The following POLRMT variants were observed in gnomAD, a reference collection of about 807,000 sequenced individuals.
POLRMT encodes the protein RNA polymerase mitochondrial, also known as DNA-directed RNA polymerase, mitochondrial.
In POLRMT, 114 loss-of-function variants were observed where a neutral mutation model predicts 132.2. That is an observed-to-expected ratio of 0.86 (90% CI 0.74 to 1.01). The LOEUF is 1.01. Ranked by LOEUF, POLRMT falls within the 50% of genes least tolerant of loss-of-function variation. The pLI is 0.00. For synonymous variants in POLRMT, 1,020 were observed against 773.4 expected, an observed-to-expected ratio of 1.32 and a Z score of -5.29; for missense variants, 2,003 against 1,729.1, an observed-to-expected ratio of 1.16 and a Z score of -2.81.
chr19:629,789 C>A lies in POLRMT; in HGVS notation c.573G>T (p.Leu191=), dbSNP rs1399111239. The A allele has an allele frequency of 6.4e-6, 10 of 1,572,440 alleles. No individual in the cohort carries two copies. In the African/African-American group the frequency reaches 1.4e-4, roughly 21 times the overall value. ...CAGGGGCCTCCTGCAGCAGCCGGGC[C>A]AGCTGCTCCTCCCAGGGGCTCTCGG... ...QAPESPWEEQ[L]ARLLQEAPGK... Residue 191 remains leucine (L), a synonymous_variant, in exon 3 of 21, where the codon CTG becomes CTT. Coordinates refer to ENST00000588649, the MANE Select transcript of POLRMT (RefSeq NM_005035.4).
At chr19:625,529 T>C (rs1984963714) in intron 3 of POLRMT, 1 of 405,778 alleles carries the variant, frequency 2.5e-6, no homozygotes, top group Non-Finnish European at 4.4e-6. Flanking sequence ...GTCAATTGTG[T>C]GGATCTTTTC....
intron 2 of POLRMT, among the ~76,000 whole-genome samples, chr19:632,415 T>C (rs1332257148): frequency 1.3e-5 from 2 of 151,774 alleles, no homozygotes; most frequent in African/African-American, 2.4e-5. Context: ...GGGCTGTCCC[T>C]CCCAAGTTTC....
chr19:633,386 G>A, intron 1 of POLRMT, 39 bp downstream of exon 1: 2 of 1,470,700 alleles, frequency 1.4e-6, no homozygotes, highest in Non-Finnish European at 1.8e-6. Flanking sequence ...AGCCCACGCC[G>A]TGGCCCCCGG....
Position 617,656 on chromosome 19 carries a change from C to T in POLRMT, c.3496-1G>A. 1 of 1,612,586 alleles carries T rather than the reference C, an allele frequency of 6.2e-7. No homozygotes were observed. Among genetic ancestry groups the T allele is most frequent in the South Asian group, 1.1e-5 (1 of 91,084 alleles). ...AGCGGACAAACTGCTCCCGGCACAC[C>T]TGGGCAGGAGTCAGAGGATCCCCAG... is the stretch of plus-strand genomic sequence containing the variant. On this transcript the variant is annotated splice_acceptor_variant, in intron 18 of 20. Coordinates refer to ENST00000588649, the MANE Select transcript of POLRMT (RefSeq NM_005035.4). LOFTEE classifies it high-confidence loss of function.
intron 2 of POLRMT, 93 bp from the exon 3 acceptor site, chr19:630,261 G>A (rs1985320970): frequency 1.4e-6 from 2 of 1,435,636 alleles, no homozygotes; most frequent in Non-Finnish European, 1.9e-6. Context: ...GGAGGTGCAG[G>A]TGGCTGAGCT....
At position 629,733 on chromosome 19, in the gene POLRMT, G is replaced by A. The variant is rs182390676; in HGVS notation, c.629C>T (p.Pro210Leu). 1,937 of 1,584,360 alleles carry A rather than the reference G, an allele frequency of 1.2e-3. 18 individuals carry two copies. In the African/African-American group the frequency reaches 0.023, roughly 18 times the overall value. ...GKLSLDVEQA[P>L]SGQHSQAQLS... ...CTGGGCCTGCGAGTGCTGCCCCGACGGGGCCTGCTCCACATCGAGGCTCAG... is the reference window on the plus strand; with the variant it reads ...CTGGGCCTGCGAGTGCTGCCCCGACAGGGCCTGCTCCACATCGAGGCTCAG... Residue 210 changes from proline (P) to leucine (L), a missense_variant, in exon 3 of 21, where the codon CCG (proline) becomes CTG (leucine). Transcript: ENST00000588649.
intron 1 of POLRMT, 121 bp downstream of exon 1, chr19:633,304 C>A: frequency 6.6e-6 from 8 of 1,217,726 alleles, no homozygotes; most frequent in Non-Finnish European, 7.5e-6. Flanking sequence ...GGGGCCGGGT[C>A]GGTGGGCTGC....
chr19:625,973 T>A (rs577516376), intron 3 of POLRMT, among the ~76,000 whole-genome samples: 114 of 151,958 alleles, frequency 7.5e-4, no homozygotes, highest in Admixed American at 1.1e-3. Flanking sequence ...AGTGCTGGGA[T>A]GACAGGTGTG....
chr19:618,819 T>C, intron 15 of POLRMT, 59 bp from the exon 16 acceptor site: 2 of 1,528,370 alleles, frequency 1.3e-6, no homozygotes, highest in Non-Finnish European at 8.9e-7. Flanking sequence ...GGTGGTACAT[T>C]GAGGTGGTGG....
chr19:620,307 C>A (rs1203860779), intron 11 of POLRMT, 58 bp downstream of exon 11: 4 of 1,489,982 alleles, frequency 2.7e-6, no homozygotes, highest in African/African-American at 2.8e-5. Flanking sequence ...ACCCTCAAGT[C>A]GAGCCCCAGG....
chr19:617,879 A>G (rs1984127174), intron 17 of POLRMT, 30 bp from the exon 18 acceptor site: 1 of 1,607,046 alleles, frequency 6.2e-7, no homozygotes, highest in African/African-American at 1.3e-5. Context: ...TCCTGAAGGG[A>G]GGGGAGCTCA....
chr19:617,966 T>G (rs557577694), intron 17 of POLRMT, 117 bp from the exon 18 acceptor site: 1 of 863,598 alleles, frequency 1.2e-6, no homozygotes, highest in Non-Finnish European at 1.9e-6. Context: ...CCCACCCTCC[T>G]GCAGGCCTCG....
rs1984336911 is a variant in POLRMT, at chr19:619,604, C to A, written c.3048G>T (p.Glu1016Asp). Residue 1016 changes from glutamate (E) to aspartate (D), a missense_variant, in exon 13 of 21, where the codon GAG becomes GAT. Transcript: ENST00000588649. The stretch of plus-strand genomic sequence containing the variant: ...GGCGCACCTGGGGAAAGTCGCTCAG[C>A]TCCCGGAGGCGCTTCTCAATCTGCA... ...GRLQIEKRLR[E>D]LSDFPQEFVW... 1 of 1,611,206 alleles carries A rather than the reference C, an allele frequency of 6.2e-7. No individual in the cohort carries two copies. The highest frequency in any genetic ancestry group is 8.5e-7 in the Non-Finnish European group (1 of 1,179,658).
rs201389171 is a variant in POLRMT at position 619,011 on chromosome 19, C to T, written c.3253G>A (p.Asp1085Asn). ...GVPVIQPYRLDSKVKQIGGGI... is the reference protein window; with the variant it reads ...GVPVIQPYRLNSKVKQIGGGI... ...GGTACACTGACCTTGACCTTGGAGT[C>T]CAGGCGATAGGGCTGGATGACGGGG... Residue 1085 changes from aspartate (D) to asparagine (N), a missense_variant, in exon 15 of 21, where the codon GAC (aspartate) becomes AAC (asparagine). Transcript: ENST00000588649. 2.2e-5 allele frequency: 35 copies of T among 1,588,000 alleles called. 1 individual carries two copies. In the African/African-American group the frequency reaches 4.3e-4, roughly 20 times the overall value.
intron 15 of POLRMT, 102 bp from the exon 16 acceptor site, chr19:618,862 CACACTGGCGCGGGATGGGGT>C: frequency 3.5e-6 from 5 of 1,416,704 alleles, no homozygotes; most frequent in Non-Finnish European, 4.9e-6. Context: ...AGGATGGTGG[CACACTGGCGCGGGATGGGGT>C]GGCACACTGG....
chr19:629,072 A>T (rs910675279), intron 3 of POLRMT, among the ~76,000 whole-genome samples: 1 of 152,186 alleles, frequency 6.6e-6, no homozygotes, highest in African/African-American at 2.4e-5. Flanking sequence ...ATGAACCACA[A>T]CGAAGATGGG....
chr19:622,833 C>T lies in POLRMT; in HGVS notation c.1443G>A (p.Arg481=), dbSNP rs373669217. ...GAGGAAGACGCACCTGCAGGAGCAT[C>T]CGCACCACCTCGCGCTCGTCCAGCA... The part of the protein sequence containing the change: ...LCLLDEREVV[R]MLLQVLQALP... Residue 481 remains arginine (R), a synonymous_variant, in exon 7 of 21, where the codon CGG becomes CGA. Coordinates refer to ENST00000588649, the MANE Select transcript of POLRMT (RefSeq NM_005035.4). 8 of 1,593,500 alleles carry T rather than the reference C, an allele frequency of 5.0e-6. No homozygotes were observed. The highest frequency in any genetic ancestry group is 5.1e-6 in the Non-Finnish European group (6 of 1,169,594).
intron 17 of POLRMT, chr19:618,064 C>A: frequency 1.7e-6 from 1 of 590,828 alleles, no homozygotes; most frequent in Non-Finnish European, 3.0e-6. Context: ...CTCCTCGCCC[C>A]ACCCCTGCCG....
chr19:621,529 G>A lies in POLRMT; in HGVS notation c.2169C>T (p.Ala723=), dbSNP rs1182122786. Residue 723 remains alanine, a synonymous_variant, in exon 10 of 21, where the codon GCC becomes GCT. Transcript: ENST00000588649. ...VLDLVLQLFQ[A]KGCPQLGVPA... is the part of the protein sequence containing the mutation. Reference sequence around the variant, plus strand: ...GCACGCCTAGCTGGGGGCAGCCCTTGGCCTGGAAGAGCTGCAGCACCAGGT... The same window carrying A: ...GCACGCCTAGCTGGGGGCAGCCCTTAGCCTGGAAGAGCTGCAGCACCAGGT... 9 of 1,399,064 alleles carry A rather than the reference G, an allele frequency of 6.4e-6. No homozygotes were observed. Among genetic ancestry groups the A allele is most frequent in the Non-Finnish European group, 8.3e-6 (9 of 1,085,652 alleles). 86.7% of individuals were successfully genotyped at this position (1,399,064 alleles called of 1,614,324 possible). A position where few individuals can be genotyped will look rare whatever the true frequency, so the allele number is the denominator to read the frequency against.
Sources: gnomAD v4.1 joint callset for allele counts (sites outside exome capture counted in the v4.1 genomes callset) on GRCh38, gnomAD v4.1.1 for gene constraint, MANE v1.5 for transcripts, NCBI Gene and HGNC (gene_info 2026-07-23, HGNC 2026-07-21) for gene names.